Variants in LPP observed in about 807,000 individuals in gnomAD.
LPP encodes the protein LIM domain containing preferred translocation partner in lipoma.
A neutral mutation model predicts 60.4 loss-of-function variants in LPP; 38 were observed. The observed-to-expected ratio is 0.63, with a 90% CI of 0.49 to 0.83. LPP has a LOEUF of 0.83. Ranked by LOEUF, LPP falls within the 40% of genes least tolerant of loss-of-function variation. The pLI is 0.00. For missense variants in LPP, 902 were observed against 783.6 expected, an observed-to-expected ratio of 1.15 and a Z score of -1.80; for synonymous variants, 328 against 290.8, an observed-to-expected ratio of 1.13 and a Z score of -1.30.
intron 7 of LPP, among the ~76,000 whole-genome samples, chr3:188,623,268 T>TTC (rs11456877): frequency 2.7e-5 from 4 of 150,934 alleles, no homozygotes; most frequent in African/African-American, 9.7e-5. Flanking sequence ...CTTTTTTTTT[T>TTC]TTTTTTTGAA....
chr3:188,203,502 A>AATATATATATTTTTAAATAT (rs1731950443), intron 1 of LPP, among the ~76,000 whole-genome samples: 2 of 61,994 alleles, frequency 3.2e-5, no homozygotes, highest in African/African-American at 1.2e-4. Context: ...AATATATATA[A>AATATATATATTTTTAAATAT]ATATATATAT....
chr3:188,766,321 T>C (rs1734102562), intron 9 of LPP, among the ~76,000 whole-genome samples: 1 of 140,346 alleles, frequency 7.1e-6, no homozygotes, highest in African/African-American at 2.6e-5. Context: ...GCTAAACTTC[T>C]ACTGATGAAA....
At position 188,882,769 on chromosome 3, in the gene LPP, T is replaced by C. The variant is rs1228362558; in HGVS notation, c.*8290T>C. On this transcript the variant is annotated 3_prime_UTR_variant, in exon 12 of 12. Coordinates refer to ENST00000617246, the MANE Select transcript of LPP (RefSeq NM_001375462.1). ...TTTTTTTTCTTTTGAGACGGAGTCT[T>C]GCTCTGTCGCCCAGGCTGGAGTGCA... is the stretch of plus-strand genomic sequence containing the variant. 2.7e-5 allele frequency: 5 copies of C among 186,726 alleles called. No individual in the cohort carries two copies. The highest frequency in any genetic ancestry group is 2.0e-4 in the South Asian group (1 of 5,108). 11.6% of individuals were successfully genotyped at this position (186,726 alleles called of 1,614,324 possible). A position where few individuals can be genotyped will look rare whatever the true frequency, so the allele number is the denominator to read the frequency against.
intron 2 of LPP, among the ~76,000 whole-genome samples, chr3:188,278,870 C>T (rs766490968): frequency 6.6e-6 from 1 of 152,116 alleles, no homozygotes; most frequent in Non-Finnish European, 1.5e-5. Context: ...TCACGCTCTC[C>T]AGGGAACTGC....
Position 188,386,269 on chromosome 3 carries a change from C to T in LPP, c.-9-19843C>T, listed in dbSNP as rs1778282039. On this transcript the variant is annotated intron_variant, in intron 3 of 11. Coordinates refer to ENST00000617246, the MANE Select transcript of LPP (RefSeq NM_001375462.1). Reference sequence around the variant, plus strand: ...ACTTAAGTCATAGCATGCGCGCACACACACACACACACACACACACACACA... The same window carrying T: ...ACTTAAGTCATAGCATGCGCGCACATACACACACACACACACACACACACA... 1.9e-5 allele frequency among the ~76,000 whole-genome samples: 2 copies of T among 106,530 alleles called. 1 individual carries two copies. The highest frequency in any genetic ancestry group is 4.9e-4 in the South Asian group (2 of 4,066). The allele number at this position is 106,530 out of a possible 152,430, so 69.9% of individuals were successfully genotyped here. A position where few individuals can be genotyped will look rare whatever the true frequency, so the allele number is the denominator to read the frequency against.
intron 8 of LPP, among the ~76,000 whole-genome samples, chr3:188,714,162 C>G (rs1452449402): frequency 1.3e-5 from 2 of 152,162 alleles, no homozygotes; most frequent in South Asian, 2.1e-4. Context: ...CCTCACTCTT[C>G]TGATCTCATG....
chr3:188,657,281 T>TATATATATATATATATATA lies in LPP; in HGVS notation c.1113+47437_1113+47438insATATATATATATATATATA, dbSNP rs10529848. ...GTGTATATATATATATATATATATA[T>TATATATATATATATATATA]TTCCAAAAGCAGATAGTATAGTACA... On this transcript the variant is annotated intron_variant, in intron 7 of 11. Transcript: ENST00000617246. Among the ~76,000 whole-genome samples, 276 of 143,280 alleles carry TATATATATATATATATATA rather than the reference T, an allele frequency of 1.9e-3. 1 individual carries two copies. Among genetic ancestry groups the TATATATATATATATATATA allele is most frequent in the South Asian group, 2.9e-3 (13 of 4,526 alleles). The allele number at this position is 143,280 out of a possible 152,430, so 94.0% of individuals were successfully genotyped here.
intron 2 of LPP, among the ~76,000 whole-genome samples, chr3:188,328,374 A>G (rs186907571): frequency 7.2e-5 from 11 of 152,322 alleles, no homozygotes; most frequent in African/African-American, 2.4e-4. Flanking sequence ...ATAATATAAA[A>G]AGTCATCTTC....
chr3:188,663,525 T>G (rs1334529002), intron 7 of LPP, among the ~76,000 whole-genome samples: 1 of 152,208 alleles, frequency 6.6e-6, no homozygotes, highest in African/African-American at 2.4e-5. Context: ...CATCGCTACT[T>G]AAAACTCCAA....
intron 4 of LPP, among the ~76,000 whole-genome samples, chr3:188,436,515 A>G (rs954083017): frequency 2.0e-5 from 3 of 152,184 alleles, no homozygotes; most frequent in African/African-American, 7.2e-5. Context: ...TTTATTTTCA[A>G]CATTTTCTAT....
chr3:188,510,837 C>T (rs529338946), intron 5 of LPP, among the ~76,000 whole-genome samples: 25 of 152,316 alleles, frequency 1.6e-4, no homozygotes, highest in South Asian at 1.2e-3. Flanking sequence ...TCAATTCTGT[C>T]GCCATATAGC....
At chr3:188,437,037 CCA>C (rs1792496235) in intron 4 of LPP, among the ~76,000 whole-genome samples, 1 of 152,134 alleles carries the variant, frequency 6.6e-6, no homozygotes. Context: ...GAGCCTAGAG[CCA>C]CAGTGTGAGT....
chr3:188,405,815 AG>A (rs1405165120), intron 3 of LPP, among the ~76,000 whole-genome samples: 2 of 152,344 alleles, frequency 1.3e-5, no homozygotes, highest in East Asian at 3.9e-4. Flanking sequence ...GCACTAAAAT[AG>A]GTAACTATTG....
intron 6 of LPP, among the ~76,000 whole-genome samples, chr3:188,549,292 T>C (rs138117269): frequency 5.3e-5 from 8 of 152,288 alleles, no homozygotes; most frequent in African/African-American, 1.7e-4. Context: ...CTGGAATACA[T>C]CATCCCCACC....
At position 188,657,523 on chromosome 3, in the gene LPP, T is replaced by C. The variant is rs1440746808; in HGVS notation, c.1113+47679T>C. Among the ~76,000 whole-genome samples the C allele has an allele frequency of 2.0e-5, 3 of 151,916 alleles. No individual in the cohort carries two copies. In the East Asian group the frequency reaches 5.8e-4, roughly 29 times the overall value. On this transcript the variant is annotated intron_variant, in intron 7 of 11. Transcript: ENST00000617246. ...ATTTGATATGCTCTTTTTATTTTGG[T>C]TTTGTCAGTTTGCTACTCGTGAGTT...
intron 9 of LPP, among the ~76,000 whole-genome samples, chr3:188,804,596 G>C (rs1171308782): frequency 6.6e-6 from 1 of 151,738 alleles, no homozygotes; most frequent in African/African-American, 2.4e-5. Flanking sequence ...ATCTGCACTT[G>C]TACCCCCAAA....
At chr3:188,292,080 T>C (rs749552180) in intron 2 of LPP, among the ~76,000 whole-genome samples, 21 of 152,248 alleles carry the variant, frequency 1.4e-4, no homozygotes, top group Non-Finnish European at 2.1e-4. Context: ...AATGAGTCTC[T>C]AGGACCTTCG....
At chr3:188,625,692 T>G (rs1846705274) in intron 7 of LPP, among the ~76,000 whole-genome samples, 1 of 152,158 alleles carries the variant, frequency 6.6e-6, no homozygotes, top group South Asian at 2.1e-4. Flanking sequence ...TGCTTAACAT[T>G]TAGATTGATA....
chr3:188,772,729 A>G (rs9823256), intron 9 of LPP, among the ~76,000 whole-genome samples: 53,193 of 151,744 alleles, frequency 0.35, 9,692 homozygotes, highest in Middle Eastern at 0.44. Flanking sequence ...TCCTGACTGC[A>G]GGGAGGTCAC....
Sources: allele counts gnomAD v4.1 joint callset (sites outside exome capture counted in the v4.1 genomes callset), GRCh38; gene constraint gnomAD v4.1.1; transcripts MANE v1.5; gene names NCBI Gene and HGNC (gene_info 2026-07-23, HGNC 2026-07-21).